The following ANXA8 variants were observed in gnomAD, a reference collection of about 807,000 sequenced individuals.
ANXA8 encodes the protein annexin A8.
A neutral mutation model predicts 26.8 loss-of-function variants in ANXA8; 9 were observed. The observed-to-expected ratio is 0.34, with a 90% CI of 0.20 to 0.59. The LOEUF (loss-of-function observed/expected upper bound fraction) is 0.59, where lower values mean the gene tolerates loss of function less well. Ranked by LOEUF, ANXA8 falls within the 20% of genes least tolerant of loss-of-function variation. ANXA8 has a pLI of 0.84. For missense variants in ANXA8, 83 were observed against 238.5 expected, an observed-to-expected ratio of 0.35 and a Z score of 4.29; for synonymous variants, 39 against 94.8, an observed-to-expected ratio of 0.41 and a Z score of 3.42.
At chr10:47,741,251 T>C in the ANXA8 span, among the ~76,000 whole-genome samples, 1 of 77,644 alleles carries the variant, frequency 1.3e-5, no homozygotes, top group Non-Finnish European at 2.6e-5. Context: ...TATGTATTAT[T>C]GATATTTCAA....
the ANXA8 span, among the ~76,000 whole-genome samples, chr10:47,559,142 C>CTTTTTT: frequency 8.2e-5 from 6 of 73,308 alleles, no homozygotes; most frequent in African/African-American, 1.8e-4. Context: ...TGGAGTCTTA[C>CTTTTTT]TTTTTTTTTT....
At chr10:47,699,344 CAAAAA>C in the ANXA8 span, among the ~76,000 whole-genome samples, 1 of 54,204 alleles carries the variant, frequency 1.8e-5, no homozygotes, top group African/African-American at 7.4e-5. Flanking sequence ...ATTCTGTCTC[CAAAAA>C]AAAAAAAAAA....
the ANXA8 span, among the ~76,000 whole-genome samples, chr10:47,549,636 C>G: frequency 6.9e-6 from 1 of 144,434 alleles, no homozygotes; most frequent in East Asian, 2.0e-4. Context: ...AGGGAAAATT[C>G]TGACTAGACA....
At chr10:47,947,591 C>T in the ANXA8 span, among the ~76,000 whole-genome samples, 2 of 150,698 alleles carry the variant, frequency 1.3e-5, no homozygotes, top group African/African-American at 2.5e-5. Flanking sequence ...CCTTGCTGTT[C>T]TTGTGATAGT....
the ANXA8 span, among the ~76,000 whole-genome samples, chr10:47,982,202 A>T: frequency 6.7e-6 from 1 of 150,164 alleles, no homozygotes; most frequent in African/African-American, 2.4e-5. Flanking sequence ...AGGTGGGAGG[A>T]TCACTTGAGC....
At chr10:47,677,298 G>C in the ANXA8 span, among the ~76,000 whole-genome samples, 5 of 152,080 alleles carry the variant, frequency 3.3e-5, no homozygotes, top group African/African-American at 4.8e-5. Context: ...TCTAGAACAA[G>C]CACTAAAAAC....
chr10:47,554,724 T>G, the ANXA8 span, among the ~76,000 whole-genome samples: 2 of 151,060 alleles, frequency 1.3e-5, no homozygotes, highest in Admixed American at 6.6e-5. Context: ...CCTGTCACAG[T>G]GACCTTGTTA....
At chr10:47,587,754 G>C in the ANXA8 span, among the ~76,000 whole-genome samples, 1 of 146,592 alleles carries the variant, frequency 6.8e-6, no homozygotes, top group Non-Finnish European at 1.5e-5. Context: ...TGATGACTTA[G>C]TGTGCTTCCA....
chr10:47,657,247 A>G, the ANXA8 span, among the ~76,000 whole-genome samples: 5 of 151,716 alleles, frequency 3.3e-5, no homozygotes, highest in African/African-American at 1.2e-4. Context: ...TTTTAAATTT[A>G]GAGACAGGGT....
the ANXA8 span, among the ~76,000 whole-genome samples, chr10:47,680,080 G>A: frequency 7.3e-5 from 11 of 151,372 alleles, no homozygotes; most frequent in Admixed American, 2.6e-4. Flanking sequence ...GATTCAAGAT[G>A]ATTCTTTTCC....
chr10:47,561,788 A>G, the ANXA8 span, among the ~76,000 whole-genome samples: 5 of 151,608 alleles, frequency 3.3e-5, no homozygotes, highest in African/African-American at 1.2e-4. Context: ...CAGGTAGGGA[A>G]GCCAGATACT....
chr10:47,733,193 CTTTCTTTCTTTCTTTCTT>C, the ANXA8 span, among the ~76,000 whole-genome samples: 2 of 117,030 alleles, frequency 1.7e-5, no homozygotes, highest in African/African-American at 5.7e-5. Context: ...TTCTTTCTTT[CTTTCTTTCTTTCTTTCTT>C]TCTTTCTTTC....
At chr10:47,561,866 A>T in the ANXA8 span, among the ~76,000 whole-genome samples, 465 of 151,170 alleles carry the variant, frequency 3.1e-3, 9 homozygotes, top group African/African-American at 0.011. Flanking sequence ...TAGGAGAGGC[A>T]GGAAAGTGGG....
At chr10:47,693,293 T>A in the ANXA8 span, among the ~76,000 whole-genome samples, 1 of 128,566 alleles carries the variant, frequency 7.8e-6, no homozygotes, top group Non-Finnish European at 1.6e-5. Context: ...AAGTACAATC[T>A]TTTTTTTTTT....
At chr10:47,495,378 C>T in the ANXA8 span, among the ~76,000 whole-genome samples, 23,602 of 143,330 alleles carry the variant, frequency 0.16, 1,150 homozygotes, top group East Asian at 0.47. Context: ...TTCTGCCTCC[C>T]GCGTTCAAGA....
At position 47,476,311 on chromosome 10, in the gene ANXA8, G is replaced by T. The variant is rs1464780151; in HGVS notation, c.333C>A (p.Thr111=). The T allele has an allele frequency of 1.4e-5, 6 of 434,826 alleles. No individual in the cohort carries two copies. Among genetic ancestry groups the T allele is most frequent in the Non-Finnish European group, 1.8e-5 (5 of 285,358 alleles). The allele number at this position is 434,826 out of a possible 1,614,324, so 26.9% of individuals were successfully genotyped here. Residue 111 remains threonine, a synonymous_variant, in exon 5 of 12, where the codon ACC becomes ACA. Coordinates refer to ENST00000585281, the MANE Select transcript of ANXA8 (RefSeq NM_001040084.3). ...ELHDAMKGLG[T]KEGVIIEILA... ...GGATCTCAATGATGACACCCTCCTT[G>T]GTTCCTAAGCCCTGTGGACAGAAAC... is the stretch of plus-strand genomic sequence containing the variant.
At chr10:47,738,504 A>G in the ANXA8 span, among the ~76,000 whole-genome samples, 1 of 150,580 alleles carries the variant, frequency 6.6e-6, no homozygotes, top group Non-Finnish European at 1.5e-5. Context: ...TTTTTCAATT[A>G]ATAAAGTATT....
chr10:47,775,303 G>A, the ANXA8 span, among the ~76,000 whole-genome samples: 1 of 145,200 alleles, frequency 6.9e-6, no homozygotes, highest in Non-Finnish European at 1.5e-5. Context: ...AACCTGGGAG[G>A]CAGAGGTTGC....
the ANXA8 span, among the ~76,000 whole-genome samples, chr10:47,733,143 ATCTTTCTTTCTTTCTTTCTT>A: frequency 9.7e-4 from 95 of 98,118 alleles, no homozygotes; most frequent in Middle Eastern, 5.8e-3. Flanking sequence ...CAACTCCCTA[ATCTTTCTTTCTTTCTTTCTT>A]TCTTTCTTTC....
Sources: gnomAD v4.1 joint callset for allele counts (sites outside exome capture counted in the v4.1 genomes callset) on GRCh38, gnomAD v4.1.1 for gene constraint, MANE v1.5 for transcripts, NCBI Gene and HGNC (gene_info 2026-07-23, HGNC 2026-07-21) for gene names.